Variants in CLSTN2 observed in about 807,000 individuals in gnomAD.
The protein encoded by CLSTN2 is calsyntenin 2, also known as calsyntenin-2.
Under a neutral mutation model 101.2 loss-of-function variants are expected in CLSTN2, and 48 were observed. The ratio of observed to expected loss-of-function variants is 0.47; its 90% CI spans 0.38 to 0.60. The LOEUF (loss-of-function observed/expected upper bound fraction) is 0.60. CLSTN2 is among the 20% of genes least tolerant of loss of function. The pLI, the probability that CLSTN2 is intolerant of heterozygous loss-of-function variation, is 0.00. For missense variants in CLSTN2, 1,160 were observed against 1,238.2 expected, an observed-to-expected ratio of 0.94 and a Z score of 0.95; for synonymous variants, 481 against 463.6, an observed-to-expected ratio of 1.04 and a Z score of -0.48.
chr3:140,024,979 C>A (rs988264682), intron 1 of CLSTN2, among the ~76,000 whole-genome samples: 1 of 152,156 alleles, frequency 6.6e-6, no homozygotes, highest in African/African-American at 2.4e-5. Flanking sequence ...GGTATTTGAA[C>A]TAGACCAAGA....
intron 1 of CLSTN2, among the ~76,000 whole-genome samples, chr3:140,015,697 T>A (rs1184751547): frequency 6.6e-6 from 1 of 152,240 alleles, no homozygotes; most frequent in Non-Finnish European, 1.5e-5. Flanking sequence ...CCTGTTTATT[T>A]GAATGGCTCA....
intron 1 of CLSTN2, among the ~76,000 whole-genome samples, chr3:140,101,043 A>C (rs565193984): frequency 6.6e-6 from 1 of 152,194 alleles, no homozygotes; most frequent in African/African-American, 2.4e-5. Flanking sequence ...CACCTGGTAC[A>C]CTGGGGTCAC....
At chr3:140,187,391 T>C (rs539254671) in intron 2 of CLSTN2, among the ~76,000 whole-genome samples, 1 of 152,262 alleles carries the variant, frequency 6.6e-6, no homozygotes, top group East Asian at 1.9e-4. Context: ...CCCTGGATCA[T>C]GCTGACCTCC....
chr3:140,270,355 C>A (rs2086730741), intron 2 of CLSTN2, among the ~76,000 whole-genome samples: 1 of 152,296 alleles, frequency 6.6e-6, no homozygotes, highest in East Asian at 1.9e-4. Context: ...GCCATGTGTT[C>A]ATTTGCCTGG....
chr3:140,391,593 G>C (rs995117299), intron 2 of CLSTN2, among the ~76,000 whole-genome samples: 2 of 151,916 alleles, frequency 1.3e-5, no homozygotes, highest in Admixed American at 1.3e-4. Flanking sequence ...GATATGATTT[G>C]ATATGCGATA....
chr3:140,118,180 G>A (rs1224319847), intron 1 of CLSTN2, among the ~76,000 whole-genome samples: 1 of 151,980 alleles, frequency 6.6e-6, no homozygotes, highest in African/African-American at 2.4e-5. Flanking sequence ...CAAAGAGAGA[G>A]GCTTCAGAAG....
At chr3:140,330,206 A>G (rs1339989470) in intron 2 of CLSTN2, among the ~76,000 whole-genome samples, 1 of 152,228 alleles carries the variant, frequency 6.6e-6, no homozygotes, top group East Asian at 1.9e-4. Context: ...AGGCTGTGGC[A>G]GATACTTGTC....
chr3:140,074,575 TA>T (rs1228312712), intron 1 of CLSTN2, among the ~76,000 whole-genome samples: 1 of 152,186 alleles, frequency 6.6e-6, no homozygotes, highest in Admixed American at 6.5e-5. Flanking sequence ...ATAATAATAG[TA>T]ATACTCAATG....
intron 2 of CLSTN2, among the ~76,000 whole-genome samples, chr3:140,338,225 C>G (rs542395414): frequency 1.3e-5 from 2 of 152,078 alleles, no homozygotes; most frequent in Non-Finnish European, 2.9e-5. Flanking sequence ...TTTGTGCTCC[C>G]CTCTCCTTTA....
chr3:140,500,468 T>C (rs1934555476), intron 8 of CLSTN2, among the ~76,000 whole-genome samples: 1 of 152,222 alleles, frequency 6.6e-6, no homozygotes, highest in Admixed American at 6.5e-5. Flanking sequence ...GTCATGAATG[T>C]AAAACAAGGA....
At chr3:140,427,183 AAATATATATATATATATATATGTG>A (rs1383997418) in intron 5 of CLSTN2, among the ~76,000 whole-genome samples, 32 of 83,752 alleles carry the variant, frequency 3.8e-4, no homozygotes, top group Admixed American at 8.9e-4. Context: ...CAAAAAAAAA[AAATATATATATATATATATATGTG>A]TATATATATA....
At chr3:140,546,792 TGG>T in intron 10 of CLSTN2, 111 bp downstream of exon 10, 1 of 1,073,106 alleles carries the variant, frequency 9.3e-7, no homozygotes, top group Admixed American at 3.0e-5. Context: ...TACACAGAAA[TGG>T]CAACAAGGCA....
At position 140,570,715 on chromosome 3, in the gene CLSTN2, T is replaced by A. The variant is rs116129460; in HGVS notation, c.*4462T>A. 1.3e-4 allele frequency: 20 copies of A among 152,350 alleles called. No individual in the cohort carries two copies. The highest frequency in any genetic ancestry group is 4.8e-4 in the African/African-American group (20 of 41,586). The allele number at this position is 152,350 out of a possible 1,614,324, so 9.4% of individuals were successfully genotyped here. On this transcript the variant is annotated 3_prime_UTR_variant, in exon 17 of 17. Transcript: ENST00000458420. ...TTTTTACCCTTTTGATTTACATTTT[T>A]AATAATTTAAAAATATAAAAACCTT...
chr3:140,435,960 G>A (rs569246596), intron 5 of CLSTN2, among the ~76,000 whole-genome samples: 6 of 151,896 alleles, frequency 4.0e-5, no homozygotes, highest in African/African-American at 1.4e-4. Context: ...TCCTCATATG[G>A]TCTGGTCATT....
intron 2 of CLSTN2, among the ~76,000 whole-genome samples, chr3:140,221,397 C>T (rs545035681): frequency 5.9e-5 from 9 of 152,022 alleles, no homozygotes; most frequent in Non-Finnish European, 1.0e-4. Flanking sequence ...TTACACACAC[C>T]ATATTACATT....
At chr3:139,956,249 T>C (rs911655711) in intron 1 of CLSTN2, among the ~76,000 whole-genome samples, 1 of 152,194 alleles carries the variant, frequency 6.6e-6, no homozygotes, top group African/African-American at 2.4e-5. Context: ...CATGTTCTCA[T>C]ATTTTGTTCT....
intron 2 of CLSTN2, among the ~76,000 whole-genome samples, chr3:140,243,272 G>A (rs1384109766): frequency 2.6e-5 from 4 of 152,188 alleles, no homozygotes; most frequent in Admixed American, 1.3e-4. Flanking sequence ...AAGTTAGGAC[G>A]TGATTACTCA....
intron 1 of CLSTN2, among the ~76,000 whole-genome samples, chr3:140,076,028 C>A (rs1476271396): frequency 6.6e-6 from 1 of 152,158 alleles, no homozygotes; most frequent in Non-Finnish European, 1.5e-5. Context: ...TACAGCAGAT[C>A]TCTAATGGAA....
At chr3:140,371,653 A>T (rs2087858811) in intron 2 of CLSTN2, among the ~76,000 whole-genome samples, 2 of 152,286 alleles carry the variant, frequency 1.3e-5, no homozygotes, top group African/African-American at 2.4e-5. Context: ...CGGAAATTAG[A>T]TCCTTACTTT....
Sources: gnomAD v4.1 joint callset for allele counts (sites outside exome capture counted in the v4.1 genomes callset) on GRCh38, gnomAD v4.1.1 for gene constraint, MANE v1.5 for transcripts, NCBI Gene and HGNC (gene_info 2026-07-23, HGNC 2026-07-21) for gene names.